TMTC1: variants seen among roughly 807,000 people sequenced by gnomAD.
The protein encoded by TMTC1 is protein O-mannosyl-transferase TMTC1.
TMTC1 carries 73 observed loss-of-function variants against 104.8 expected under a neutral mutation model. The observed-to-expected ratio is 0.70, with a 90% confidence interval of 0.58 to 0.85. TMTC1 has a LOEUF of 0.85. Ranked by LOEUF, TMTC1 falls within the 40% of genes least tolerant of loss-of-function variation. The pLI is 0.00. For synonymous variants in TMTC1, 434 were observed against 428.7 expected, an observed-to-expected ratio of 1.01 and a Z score of -0.15; for missense variants, 1,035 against 1,096.1, an observed-to-expected ratio of 0.94 and a Z score of 0.79.
Position 29,502,259 on chromosome 12 carries a change from A to G in TMTC1, c.*4587T>C, listed in dbSNP as rs2136113853. On this transcript the variant is annotated 3_prime_UTR_variant, in exon 18 of 18. Coordinates refer to ENST00000539277, the MANE Select transcript of TMTC1 (RefSeq NM_001193451.2). Reference sequence around the variant, plus strand: ...TTTTTAAAAAATCACCTCTCACTATATTTGTTTTGAATGTCATTCCTAATA... The same window carrying G: ...TTTTTAAAAAATCACCTCTCACTATGTTTGTTTTGAATGTCATTCCTAATA... 1 of 151,990 alleles carries G rather than the reference A, an allele frequency of 6.6e-6. No individual in the cohort carries two copies. The highest frequency in any genetic ancestry group is 3.4e-3 in the Middle Eastern group (1 of 294). The allele number at this position is 151,990 out of a possible 1,614,324, so 9.4% of individuals were successfully genotyped here.
chr12:29,527,814 C>T (rs568655095), intron 11 of TMTC1, among the ~76,000 whole-genome samples: 38 of 152,286 alleles, frequency 2.5e-4, no homozygotes, highest in Non-Finnish European at 4.9e-4. Context: ...TAAATCTTCT[C>T]TTTTATTTTT....
rs542437280 is a variant in TMTC1, at chr12:29,513,033, C to T, written c.2431-913G>A. ...AAGAAATGTTATGAAACTATACCTT[C>T]AAAAAGCTGCTAAAATAAACCAAAA... On this transcript the variant is annotated intron_variant, in intron 16 of 17. Coordinates refer to ENST00000539277, the MANE Select transcript of TMTC1 (RefSeq NM_001193451.2). 7.9e-5 allele frequency among the ~76,000 whole-genome samples: 12 copies of T among 152,210 alleles called. No individual in the cohort carries two copies. In the South Asian group the frequency reaches 2.5e-3, roughly 32 times the overall value.
intron 9 of TMTC1, among the ~76,000 whole-genome samples, chr12:29,565,728 T>A (rs1210545133): frequency 6.6e-6 from 1 of 152,118 alleles, no homozygotes; most frequent in Non-Finnish European, 1.5e-5. Flanking sequence ...GTGCCTGTAA[T>A]CCCAGTTACT....
At chr12:29,766,914 G>A (rs12313556) in intron 2 of TMTC1, among the ~76,000 whole-genome samples, 1 of 151,250 alleles carries the variant, frequency 6.6e-6, no homozygotes, top group South Asian at 2.1e-4. Context: ...TTCATGGAAT[G>A]ATTAAATAAA....
intron 5 of TMTC1, among the ~76,000 whole-genome samples, chr12:29,679,848 A>G (rs938498594): frequency 6.6e-6 from 1 of 152,194 alleles, no homozygotes; most frequent in African/African-American, 2.4e-5. Context: ...ATTTAGAAGC[A>G]GTGTTTACAT....
chr12:29,553,303 A>G (rs1042805896), intron 10 of TMTC1, among the ~76,000 whole-genome samples: 16 of 152,210 alleles, frequency 1.1e-4, no homozygotes, highest in African/African-American at 3.9e-4. Flanking sequence ...GGAAGGCAAT[A>G]TATCTCCTAA....
intron 5 of TMTC1, among the ~76,000 whole-genome samples, chr12:29,687,975 G>C (rs577260791): frequency 6.6e-6 from 1 of 152,216 alleles, no homozygotes; most frequent in East Asian, 1.9e-4. Context: ...TTGGAGGTCA[G>C]GGTTTCAGTA....
rs74796163 is a variant in TMTC1 at position 29,579,983 on chromosome 12, C to G, written c.1418+3424G>C. ...TTCAGCTTAGACAATTTACCCTGTC[C>G]ACACCTCTGATAATACACAAGTGCT... is the stretch of plus-strand genomic sequence containing the variant. On this transcript the variant is annotated intron_variant, in intron 8 of 17. Coordinates refer to ENST00000539277, the MANE Select transcript of TMTC1 (RefSeq NM_001193451.2). 4.6e-5 allele frequency among the ~76,000 whole-genome samples: 7 copies of G among 152,206 alleles called. No individual in the cohort carries two copies. The East Asian group carries it at 1.2e-3, about 25-fold the overall frequency.
rs1051218564 is a variant in TMTC1 at position 29,502,582 on chromosome 12, A to G, written c.*4264T>C. 5.3e-5 allele frequency: 8 copies of G among 152,200 alleles called. No homozygotes were observed. Among genetic ancestry groups the G allele is most frequent in the Non-Finnish European group, 1.2e-4 (8 of 68,032 alleles). The allele number at this position is 152,200 out of a possible 1,614,324, so 9.4% of individuals were successfully genotyped here. A position where few individuals can be genotyped will look rare whatever the true frequency, so the allele number is the denominator to read the frequency against. ...CATTTTAAGGCCAAATTGCAGTCCA[A>G]TTGCCACAAGTGCAAAACCACCCCA... On this transcript the variant is annotated 3_prime_UTR_variant, in exon 18 of 18. Coordinates refer to ENST00000539277, the MANE Select transcript of TMTC1 (RefSeq NM_001193451.2).
At position 29,501,203 on chromosome 12, in the gene TMTC1, A is replaced by C. The variant is rs377734746; in HGVS notation, c.*5643T>G. 1.3e-5 allele frequency: 2 copies of C among 152,178 alleles called. No homozygotes were observed. Among genetic ancestry groups the C allele is most frequent in the East Asian group, 3.9e-4 (2 of 5,188 alleles). 9.4% of individuals were successfully genotyped at this position (152,178 alleles called of 1,614,324 possible). ...TTTTTTCCCCAGTAAAGTAACAATC[A>C]CTGTAGGAATTTTTAAGTGCACAAA... On this transcript the variant is annotated 3_prime_UTR_variant, in exon 18 of 18. Coordinates refer to ENST00000539277, the MANE Select transcript of TMTC1 (RefSeq NM_001193451.2).
At chr12:29,698,000 T>C (rs1378607858) in intron 5 of TMTC1, among the ~76,000 whole-genome samples, 1 of 152,140 alleles carries the variant, frequency 6.6e-6, no homozygotes, top group Non-Finnish European at 1.5e-5. Flanking sequence ...AATAGAGTAC[T>C]CTTGTATGAT....
intron 5 of TMTC1, among the ~76,000 whole-genome samples, chr12:29,657,961 C>T (rs1939835547): frequency 6.6e-6 from 1 of 151,992 alleles, no homozygotes; most frequent in Non-Finnish European, 1.5e-5. Context: ...AAAAAATTAG[C>T]ATGTGCCTGT....
At chr12:29,640,316 T>G (rs574859445) in intron 5 of TMTC1, among the ~76,000 whole-genome samples, 1 of 150,582 alleles carries the variant, frequency 6.6e-6, no homozygotes, top group African/African-American at 2.5e-5. Context: ...CAGGAACAGA[T>G]GCAGCTGTGG....
At chr12:29,615,322 G>C (rs1203144319) in intron 6 of TMTC1, among the ~76,000 whole-genome samples, 2 of 152,148 alleles carry the variant, frequency 1.3e-5, no homozygotes, top group African/African-American at 4.8e-5. Context: ...TCCATGAAAG[G>C]TTCCCGCTGA....
chr12:29,530,462 C>T (rs1381783423), intron 11 of TMTC1, among the ~76,000 whole-genome samples: 1 of 152,156 alleles, frequency 6.6e-6, no homozygotes, highest in African/African-American at 2.4e-5. Flanking sequence ...TCTAGCTGGT[C>T]CATGGAGACT....
intron 5 of TMTC1, among the ~76,000 whole-genome samples, chr12:29,747,345 T>C (rs1942979630): frequency 6.6e-6 from 1 of 152,212 alleles, no homozygotes. Flanking sequence ...AAATGTAATC[T>C]GATTCTAGAG....
intron 11 of TMTC1, chr12:29,521,199 T>C: frequency 6.4e-6 from 1 of 156,888 alleles, no homozygotes; most frequent in Non-Finnish European, 1.4e-5. Context: ...TTTTTATCTA[T>C]ATACTGTACT....
chr12:29,520,420 A>G (rs916512620), intron 12 of TMTC1, among the ~76,000 whole-genome samples, 198 bp downstream of exon 12: 1 of 152,202 alleles, frequency 6.6e-6, no homozygotes, highest in Non-Finnish European at 1.5e-5. Context: ...AGAAATGAGT[A>G]TGAGAATGGC....
intron 16 of TMTC1, among the ~76,000 whole-genome samples, chr12:29,512,599 T>G (rs1423297698): frequency 1.3e-5 from 2 of 152,218 alleles, no homozygotes; most frequent in African/African-American, 4.8e-5. Context: ...TTAAAGTGGA[T>G]CACCGCCTCT....
Sources: gnomAD v4.1 joint callset for allele counts (sites outside exome capture counted in the v4.1 genomes callset) on GRCh38, gnomAD v4.1.1 for gene constraint, MANE v1.5 for transcripts, NCBI Gene and HGNC (gene_info 2026-07-23, HGNC 2026-07-21) for gene names.